Variants in RERE observed in about 807,000 individuals in gnomAD.
The protein encoded by RERE is arginine-glutamic acid dipeptide repeats, also known as arginine-glutamic acid dipeptide repeats protein.
In RERE, 40 loss-of-function variants were observed where a neutral mutation model predicts 146.1. That is an observed-to-expected ratio of 0.27 (90% CI 0.21 to 0.36). The LOEUF (loss-of-function observed/expected upper bound fraction) is 0.36, where lower values mean the gene tolerates loss of function less well. Among genes scored for constraint, RERE ranks in the 10% least tolerant of loss-of-function variants. RERE has a pLI of 1.00. For synonymous variants in RERE, 1,003 were observed against 866.0 expected, an observed-to-expected ratio of 1.16 and a Z score of -2.78; for missense variants, 1,933 against 2,138.7, an observed-to-expected ratio of 0.90 and a Z score of 1.90.
At chr1:8,376,005 C>T (rs1642233682) in intron 12 of RERE, among the ~76,000 whole-genome samples, 1 of 151,902 alleles carries the variant, frequency 6.6e-6, no homozygotes, top group Admixed American at 6.6e-5. Context: ...CTTCATTTTC[C>T]CTGCTTTACA....
At chr1:8,408,727 A>G (rs1416038565) in intron 12 of RERE, among the ~76,000 whole-genome samples, 1 of 152,222 alleles carries the variant, frequency 6.6e-6, no homozygotes, top group Non-Finnish European at 1.5e-5. Flanking sequence ...AAATAAAAGC[A>G]GAAAAGAGAT....
chr1:8,434,895 A>T (rs1030280064), intron 11 of RERE: 2 of 152,238 alleles, frequency 1.3e-5, no homozygotes, highest in East Asian at 3.8e-4. Flanking sequence ...GATGATTCCA[A>T]TACCTCCTAT....
intron 4 of RERE, among the ~76,000 whole-genome samples, chr1:8,589,401 CT>C (rs1180576236): frequency 6.6e-6 from 1 of 152,210 alleles, no homozygotes; most frequent in Non-Finnish European, 1.5e-5. Context: ...GATCAAGCCA[CT>C]GCACTCCAGC....
intron 11 of RERE, among the ~76,000 whole-genome samples, chr1:8,444,941 TG>T (rs1174872666): frequency 6.6e-6 from 1 of 151,340 alleles, no homozygotes; most frequent in Non-Finnish European, 1.5e-5. Context: ...AAAAAGATAA[TG>T]GGTATAAATC....
At chr1:8,701,059 G>A (rs905418625) in intron 1 of RERE, among the ~76,000 whole-genome samples, 18 of 152,182 alleles carry the variant, frequency 1.2e-4, no homozygotes, top group African/African-American at 3.9e-4. Context: ...AAAACCTTCA[G>A]TGTAAGATAA....
At chr1:8,402,907 G>C (rs890996122) in intron 12 of RERE, among the ~76,000 whole-genome samples, 6 of 151,972 alleles carry the variant, frequency 3.9e-5, no homozygotes, top group African/African-American at 1.5e-4. Context: ...AGTTTCTTTC[G>C]CTTTTTTTTG....
chr1:8,721,037 G>C (rs1312114861), intron 1 of RERE, among the ~76,000 whole-genome samples: 3 of 152,084 alleles, frequency 2.0e-5, no homozygotes, highest in Admixed American at 1.3e-4. Context: ...CTGGGTGACA[G>C]AGCGAGACTC....
intron 12 of RERE, among the ~76,000 whole-genome samples, chr1:8,368,322 A>C (rs1227021891): frequency 1.3e-5 from 2 of 152,082 alleles, no homozygotes; most frequent in East Asian, 3.9e-4. Flanking sequence ...AAAATACAAA[A>C]AATTAGCTGG....
intron 4 of RERE, among the ~76,000 whole-genome samples, chr1:8,600,546 G>C (rs1395122650): frequency 1.3e-5 from 2 of 152,018 alleles, no homozygotes; most frequent in African/African-American, 4.8e-5. Flanking sequence ...AGTAACAAAA[G>C]AAAAAGCCAG....
At chr1:8,548,817 T>C (rs1370435258) in intron 6 of RERE, among the ~76,000 whole-genome samples, 1 of 151,976 alleles carries the variant, frequency 6.6e-6, no homozygotes, top group Admixed American at 6.5e-5. Flanking sequence ...ACCCCATCTC[T>C]ACTAAAAATA....
At chr1:8,809,993 T>TTTGTTGTTGTTG (rs757435268) in intron 1 of RERE, among the ~76,000 whole-genome samples, 1 of 151,452 alleles carries the variant, frequency 6.6e-6, no homozygotes, top group Non-Finnish European at 1.5e-5. Context: ...TGTTTTTGTT[T>TTTGTTGTTGTTG]TTGTTGTTGT....
intron 8 of RERE, among the ~76,000 whole-genome samples, chr1:8,501,207 G>T (rs1645144986): frequency 6.9e-6 from 1 of 144,028 alleles, no homozygotes; most frequent in African/African-American, 2.7e-5. Context: ...GGAGGGAGGT[G>T]GGGGGGTCAG....
intron 4 of RERE, among the ~76,000 whole-genome samples, chr1:8,596,193 T>C (rs185873697): frequency 6.6e-6 from 1 of 152,318 alleles, no homozygotes; most frequent in African/African-American, 2.4e-5. Context: ...AAGCTTGCTG[T>C]CCCTGAGTAC....
intron 1 of RERE, among the ~76,000 whole-genome samples, chr1:8,784,464 T>G (rs1369444616): frequency 7.3e-6 from 1 of 136,406 alleles, no homozygotes; most frequent in Admixed American, 7.0e-5. Context: ...TTGCTTGGGG[T>G]TTTTTTTCTC....
At chr1:8,532,390 T>C (rs757064141) in intron 7 of RERE, among the ~76,000 whole-genome samples, 4 of 145,596 alleles carry the variant, frequency 2.7e-5, no homozygotes, top group Non-Finnish European at 4.5e-5. Flanking sequence ...AGCATGAGTC[T>C]GATTCATTTT....
intron 1 of RERE, among the ~76,000 whole-genome samples, chr1:8,694,589 T>C (rs936857643): frequency 6.6e-6 from 1 of 152,118 alleles, no homozygotes; most frequent in Admixed American, 6.5e-5. Context: ...TGAAACCCCA[T>C]CTCTACTAAA....
chr1:8,363,826 A>C (rs140027567), intron 15 of RERE: 1 of 577,498 alleles, frequency 1.7e-6, no homozygotes, highest in African/African-American at 1.9e-5. Context: ...AGAAGCTAAG[A>C]GCTTGCTACA....
Position 8,500,765 on chromosome 1 carries a change from G to A in RERE, c.880-3236C>T, listed in dbSNP as rs1210889524. Among the ~76,000 whole-genome samples, 22 of 151,814 alleles carry A rather than the reference G, an allele frequency of 1.4e-4. No individual in the cohort carries two copies. The South Asian group carries it at 3.1e-3, about 22-fold the overall frequency. On this transcript the variant is annotated intron_variant, in intron 8 of 22. Transcript: ENST00000400908. ...GCCGCCATCCCATCTAGGAAGCGAG[G>A]AGCGCCTCTTCCCCGCCGCCCATCG...
intron 11 of RERE, 95 bp from the exon 12 acceptor site, chr1:8,422,902 C>CA (rs1268248554): frequency 4.3e-6 from 4 of 921,638 alleles, no homozygotes; most frequent in East Asian, 2.4e-5. Context: ...ATAACAACCA[C>CA]AAAAAAAGTC....
Sources: gnomAD v4.1 joint callset for allele counts (sites outside exome capture counted in the v4.1 genomes callset) on GRCh38, gnomAD v4.1.1 for gene constraint, MANE v1.5 for transcripts, NCBI Gene and HGNC (gene_info 2026-07-23, HGNC 2026-07-21) for gene names.